The following CLEC16A variants were observed in gnomAD, a reference collection of about 807,000 sequenced individuals.
The protein encoded by CLEC16A is C-type lectin domain containing 16A, also known as protein CLEC16A.
A neutral mutation model predicts 109.5 loss-of-function variants in CLEC16A; 51 were observed. The observed-to-expected ratio is 0.47, with a 90% confidence interval of 0.37 to 0.59. The LOEUF (loss-of-function observed/expected upper bound fraction) is 0.59. CLEC16A is among the 20% of genes least tolerant of loss of function. CLEC16A has a pLI of 0.00. For missense variants in CLEC16A, 1,339 were observed against 1,394.0 expected (o/e 0.96, Z 0.63); for synonymous variants, 673 against 564.2 (o/e 1.19, Z -2.73).
chr16:11,076,104 C>T (rs1433052800), intron 19 of CLEC16A, among the ~76,000 whole-genome samples: 2 of 152,104 alleles, frequency 1.3e-5, no homozygotes, highest in Non-Finnish European at 2.9e-5. Flanking sequence ...ACTAGGGGGT[C>T]AGCTTCCTCC....
intron 7 of CLEC16A, among the ~76,000 whole-genome samples, chr16:10,973,992 G>A (rs2042923130): frequency 7.2e-6 from 1 of 139,836 alleles, no homozygotes; most frequent in Non-Finnish European, 1.5e-5. Flanking sequence ...TCTGCCTCCT[G>A]GATTCAAGTG....
chr16:10,979,234 C>A, intron 8 of CLEC16A, 95 bp from the exon 9 acceptor site: 1 of 1,183,798 alleles, frequency 8.4e-7, no homozygotes, highest in Non-Finnish European at 1.2e-6. Flanking sequence ...GACAGGACGC[C>A]TTTGTTCACA....
intron 19 of CLEC16A, among the ~76,000 whole-genome samples, chr16:11,094,339 G>T (rs2050483025): frequency 6.6e-6 from 1 of 152,354 alleles, no homozygotes; most frequent in Admixed American, 6.5e-5. Flanking sequence ...GGCCGAGCCT[G>T]ATAAGTTTCC....
Position 10,944,646 on chromosome 16 carries a change from GC to G in CLEC16A, c.-70del. On this transcript the variant is annotated 5_prime_UTR_variant, in exon 1 of 24. Transcript: ENST00000409790. The stretch of plus-strand genomic sequence containing the variant: ...CGCCGCATCCTCCGCTTGTGCTACC[GC>G]CGCGGGCGCTGGGCCGCTCTGCTGG... 2 of 1,435,182 alleles carry G rather than the reference GC, an allele frequency of 1.4e-6. No individual in the cohort carries two copies. The highest frequency in any genetic ancestry group is 1.9e-6 in the Non-Finnish European group (2 of 1,048,490). 88.9% of individuals were successfully genotyped at this position (1,435,182 alleles called of 1,614,324 possible). A position where few individuals can be genotyped will look rare whatever the true frequency, so the allele number is the denominator to read the frequency against.
intron 10 of CLEC16A, among the ~76,000 whole-genome samples, chr16:10,996,564 A>G (rs2044340801): frequency 6.6e-6 from 1 of 152,086 alleles, no homozygotes; most frequent in South Asian, 2.1e-4. Flanking sequence ...TGTATCAGTC[A>G]TTTCCTCCTC....
At chr16:10,964,558 G>A (rs9933623) in intron 3 of CLEC16A, among the ~76,000 whole-genome samples, 10,629 of 152,224 alleles carry the variant, frequency 0.07, 1,314 homozygotes, top group African/African-American at 0.24. Flanking sequence ...CGAGGCACAG[G>A]GTCTGGCAGA....
intron 22 of CLEC16A, among the ~76,000 whole-genome samples, chr16:11,132,774 T>C (rs929204937): frequency 3.3e-5 from 5 of 152,230 alleles, no homozygotes; most frequent in Non-Finnish European, 5.9e-5. Context: ...TCGTTTGTCT[T>C]GTCCTTGACA....
chr16:11,052,629 C>G (rs956773349), intron 18 of CLEC16A, among the ~76,000 whole-genome samples: 1 of 152,206 alleles, frequency 6.6e-6, no homozygotes, highest in Non-Finnish European at 1.5e-5. Context: ...CTTCCATGTC[C>G]TCCCTGCCAG....
At chr16:11,094,861 G>C (rs1255735662) in intron 19 of CLEC16A, among the ~76,000 whole-genome samples, 1 of 152,144 alleles carries the variant, frequency 6.6e-6, no homozygotes, top group Non-Finnish European at 1.5e-5. Context: ...AGGTAGCAGG[G>C]GGCTATTTAA....
intron 22 of CLEC16A, among the ~76,000 whole-genome samples, chr16:11,161,426 C>G (rs370655760): frequency 6.6e-6 from 1 of 152,156 alleles, no homozygotes; most frequent in Non-Finnish European, 1.5e-5. Flanking sequence ...GAACTCCAGA[C>G]CGAGGGAACG....
intron 15 of CLEC16A, among the ~76,000 whole-genome samples, chr16:11,042,755 G>A (rs75736313): frequency 6.6e-6 from 1 of 151,644 alleles, no homozygotes; most frequent in Non-Finnish European, 1.5e-5. Flanking sequence ...TGGCTTTTAT[G>A]GTACCTCTTA....
chr16:11,071,995 G>A (rs2049100875), intron 19 of CLEC16A, among the ~76,000 whole-genome samples: 1 of 152,140 alleles, frequency 6.6e-6, no homozygotes, highest in South Asian at 2.1e-4. Context: ...AGTGTCTGAT[G>A]CCTATAATGT....
chr16:11,177,282 C>G (rs570619627), intron 23 of CLEC16A, among the ~76,000 whole-genome samples: 6 of 152,276 alleles, frequency 3.9e-5, no homozygotes, highest in African/African-American at 1.4e-4. Flanking sequence ...CACTGGAAGG[C>G]AAATGGGCCA....
rs200989739 is a variant in CLEC16A at position 11,179,978 on chromosome 16, C to T, written c.*1288C>T. 8 of 152,766 alleles carry T rather than the reference C, an allele frequency of 5.2e-5. 1 individual carries two copies. In the East Asian group the frequency reaches 1.2e-3, roughly 22 times the overall value. 9.5% of individuals were successfully genotyped at this position (152,766 alleles called of 1,614,324 possible). A position where few individuals can be genotyped will look rare whatever the true frequency, so the allele number is the denominator to read the frequency against. ...CAGACACAGCACTCACAGCCCAGGCCGTGATCCACCCTCCCCAAGTCCACC... is the reference window on the plus strand; with the variant it reads ...CAGACACAGCACTCACAGCCCAGGCTGTGATCCACCCTCCCCAAGTCCACC... On this transcript the variant is annotated 3_prime_UTR_variant, in exon 24 of 24. Coordinates refer to ENST00000409790, the MANE Select transcript of CLEC16A (RefSeq NM_015226.3).
chr16:10,960,095 C>T (rs75509568), intron 2 of CLEC16A, among the ~76,000 whole-genome samples: 411 of 152,232 alleles, frequency 2.7e-3, no homozygotes, highest in African/African-American at 9.2e-3. Flanking sequence ...AAAATAGTTT[C>T]GAAGATAGTA....
chr16:11,132,042 T>G (rs1351240356), intron 22 of CLEC16A, among the ~76,000 whole-genome samples: 2 of 152,218 alleles, frequency 1.3e-5, no homozygotes, highest in African/African-American at 2.4e-5. Context: ...GTCACCCTAG[T>G]TCTCTGCACG....
intron 12 of CLEC16A, among the ~76,000 whole-genome samples, chr16:11,022,337 CTTTTTTTTTTT>C (rs36094157): frequency 1.1e-5 from 1 of 93,470 alleles, no homozygotes; most frequent in Non-Finnish European, 2.0e-5. Context: ...GTCTGGCTAC[CTTTTTTTTTTT>C]TTTTTTTTTT....
chr16:10,986,731 A>ATGTGTGTGTGTGTGTGTG lies in CLEC16A; in HGVS notation c.1071+3754_1071+3771dup, dbSNP rs59931468. 9.8e-4 allele frequency among the ~76,000 whole-genome samples: 147 copies of ATGTGTGTGTGTGTGTGTG among 150,230 alleles called. 1 individual carries two copies. Among genetic ancestry groups the ATGTGTGTGTGTGTGTGTG allele is most frequent in the African/African-American group, 3.4e-3 (136 of 40,390 alleles). ...TCAGAATTTATTTCTTTAAGGCTCA[A>ATGTGTGTGTGTGTGTGTG]TGTGTGTGTGTGTGTGTGTGTGTGT... On this transcript the variant is annotated intron_variant, in intron 10 of 23. Transcript: ENST00000409790.
rs1314571930 is a variant in CLEC16A, at chr16:10,989,393, G to GT, written c.1071+6411dup. ...ATGCCACCATGCCCAGATAACTTTTGTTTTTTTTTGTTTTTTTGTTTTGTG... is the reference window on the plus strand; with the variant it reads ...ATGCCACCATGCCCAGATAACTTTTGTTTTTTTTTTGTTTTTTTGTTTTGTG... On this transcript the variant is annotated intron_variant, in intron 10 of 23. Transcript: ENST00000409790. 3.6e-3 allele frequency among the ~76,000 whole-genome samples: 548 copies of GT among 150,456 alleles called. 2 individuals carry two copies. Among genetic ancestry groups the GT allele is most frequent in the African/African-American group, 0.012 (473 of 40,956 alleles).
Sources: allele counts gnomAD v4.1 joint callset (sites outside exome capture counted in the v4.1 genomes callset), GRCh38; gene constraint gnomAD v4.1.1; transcripts MANE v1.5; gene names NCBI Gene and HGNC (gene_info 2026-07-23, HGNC 2026-07-21).